The following PKHD1L1 variants were observed in gnomAD, a reference collection of about 807,000 sequenced individuals.
PKHD1L1 encodes fibrocystin-L.
PKHD1L1 carries 434 observed loss-of-function variants against 462.9 expected under a neutral mutation model. The ratio of observed to expected loss-of-function variants is 0.94; its 90% CI spans 0.87 to 1.02. The LOEUF is 1.02. PKHD1L1 is among the 50% of genes least tolerant of loss of function. The pLI, the probability that PKHD1L1 is intolerant of heterozygous loss-of-function variation, is 0.00. For synonymous variants in PKHD1L1, 1,781 were observed against 1,750.0 expected (o/e 1.02, Z -0.44); for missense variants, 5,202 against 5,096.1 (o/e 1.02, Z -0.63).
In PKHD1L1 at chr8:109,429,391, A is replaced by T; in HGVS notation, c.3052A>T (p.Ile1018Leu). 6.3e-7 allele frequency: 1 copy of T among 1,581,838 alleles called. No individual in the cohort carries two copies. The highest frequency in any genetic ancestry group is 8.7e-7 in the Non-Finnish European group (1 of 1,155,996). Residue 1018 changes from isoleucine to leucine, a missense_variant, in exon 26 of 78, where the codon ATA becomes TTA. This residue lies in a region of PKHD1L1 where 4,497 missense variants were observed against 4,336.8 expected (regional missense o/e 1.04). Transcript: ENST00000378402. ...GEKANMTVTR[I>L]KEGGLFRQHV... is the part of the protein sequence containing the mutation. ...AAAGGCTAATATGACAGTTACAAGG[A>T]TAAAGGAAGGTGGCTTATTCAGACA...
intron 7 of PKHD1L1, among the ~76,000 whole-genome samples, chr8:109,388,800 C>T (rs924745424): frequency 1.3e-5 from 2 of 151,976 alleles, no homozygotes; most frequent in Non-Finnish European, 2.9e-5. Flanking sequence ...ATATCTTTAC[C>T]AAGCAATTAT....
chr8:109,428,187 T>C (rs935811217), intron 25 of PKHD1L1, among the ~76,000 whole-genome samples: 8 of 152,282 alleles, frequency 5.3e-5, no homozygotes, highest in African/African-American at 1.9e-4. Context: ...TTCATCACTA[T>C]CACTTATATA....
intron 7 of PKHD1L1, 63 bp from the exon 8 acceptor site, chr8:109,389,016 A>G (rs1377215320): frequency 3.5e-6 from 4 of 1,142,378 alleles, no homozygotes; most frequent in Non-Finnish European, 5.0e-6. Flanking sequence ...TTTTTAAGAG[A>G]AACACAATAT....
chr8:109,414,545 T>C (rs1192722155), intron 21 of PKHD1L1, among the ~76,000 whole-genome samples: 1 of 152,110 alleles, frequency 6.6e-6, no homozygotes, highest in East Asian at 1.9e-4. Flanking sequence ...TTTATATGGG[T>C]CTATACAGTT....
At chr8:109,391,933 A>G (rs1425100520) in intron 9 of PKHD1L1, among the ~76,000 whole-genome samples, 1 of 152,214 alleles carries the variant, frequency 6.6e-6, no homozygotes, top group Non-Finnish European at 1.5e-5. Context: ...ACACTTTATT[A>G]TAGACCAATA....
At chr8:109,392,374 T>C (rs1188282036) in intron 9 of PKHD1L1, among the ~76,000 whole-genome samples, 1 of 152,134 alleles carries the variant, frequency 6.6e-6, no homozygotes, top group Non-Finnish European at 1.5e-5. Context: ...CATAAATCAA[T>C]ATGCTGCATT....
intron 43 of PKHD1L1, 52 bp from the exon 44 acceptor site, chr8:109,454,114 AC>A: frequency 9.2e-7 from 1 of 1,092,876 alleles, no homozygotes; most frequent in Non-Finnish European, 1.3e-6. Flanking sequence ...TTAATAGGTA[AC>A]TTTTAACAAG....
intron 4 of PKHD1L1, among the ~76,000 whole-genome samples, chr8:109,382,882 A>T (rs1005072748): frequency 6.7e-6 from 1 of 150,374 alleles, no homozygotes; most frequent in Non-Finnish European, 1.5e-5. Flanking sequence ...TTCCTATTTT[A>T]ATCGAAGTAA....
In PKHD1L1 at chr8:109,448,294, A is replaced by G. The variant is rs929560026; in HGVS notation, c.5928A>G (p.Thr1976=). ...TCGTGGGAGATCATGCTGGGGGCACATTTCCTGTTATGATGCATCATAAGA... is the reference window on the plus strand; with the variant it reads ...TCGTGGGAGATCATGCTGGGGGCACGTTTCCTGTTATGATGCATCATAAGA... The part of the protein sequence containing the change: ...QCIVGDHAGG[T]FPVMMHHKTK... The change falls in exon 39 of 78, where the codon ACA becomes ACG. Residue 1976 remains threonine (T), a synonymous_variant. Coordinates refer to ENST00000378402, the MANE Select transcript of PKHD1L1 (RefSeq NM_177531.6). The G allele has an allele frequency of 1.4e-5, 22 of 1,613,610 alleles. No homozygotes were observed. Among genetic ancestry groups the G allele is most frequent in the Non-Finnish European group, 1.8e-5 (21 of 1,179,854 alleles).
At chr8:109,494,793 C>A (rs546260090) in intron 63 of PKHD1L1, among the ~76,000 whole-genome samples, 31 of 151,888 alleles carry the variant, frequency 2.0e-4, no homozygotes, top group African/African-American at 7.2e-4. Flanking sequence ...TAATTGCATA[C>A]TTTTTAAATA....
At chr8:109,375,174 A>T (rs553624001) in intron 2 of PKHD1L1, among the ~76,000 whole-genome samples, 1 of 152,142 alleles carries the variant, frequency 6.6e-6, no homozygotes, top group Non-Finnish European at 1.5e-5. Flanking sequence ...ACATAGTCCC[A>T]TATTTCTTGG....
rs778607189 is a variant in PKHD1L1, at chr8:109,419,071, C to A, written c.2361-26C>A. On this transcript the variant is annotated intron_variant, in intron 21 of 77. Transcript: ENST00000378402. ...GCTTAAACATTACCACTGATCTATA[C>A]AACAAATTAATCAACCGTATTTCAG... 1.0e-5 allele frequency: 16 copies of A among 1,595,110 alleles called. No homozygotes were observed. In the South Asian group the frequency reaches 1.8e-4, roughly 18 times the overall value.
intron 60 of PKHD1L1, 79 bp from the exon 61 acceptor site, chr8:109,490,893 G>T (rs1430211821): frequency 2.3e-6 from 3 of 1,302,704 alleles, no homozygotes; most frequent in Non-Finnish European, 3.1e-6. Flanking sequence ...TTTGTTTACT[G>T]AAAATCATTT....
chr8:109,374,794 A>C (rs562315102), intron 2 of PKHD1L1, among the ~76,000 whole-genome samples: 57 of 152,234 alleles, frequency 3.7e-4, no homozygotes, highest in Middle Eastern at 3.4e-3. Flanking sequence ...TTCTGGGTTG[A>C]AAATTCTTTT....
Position 109,464,809 on chromosome 8 carries a change from A to G in PKHD1L1, c.7977A>G (p.Gly2659=). The change falls in exon 49 of 78, where the codon GGA becomes GGG. Residue 2659 remains glycine, a synonymous_variant. Transcript: ENST00000378402. ...TTACTACTTGGAATTGTCAAAAAGG[A>G]GCTGAATGGGTCAATGGAGGTGCCC... ...NSLTTWNCQK[G]AEWVNGGALQ... is the part of the protein sequence containing the mutation. The G allele has an allele frequency of 6.2e-7, 1 of 1,613,818 alleles. No homozygotes were observed.
chr8:109,498,890 G>A, intron 67 of PKHD1L1, 119 bp downstream of exon 67: 1 of 883,424 alleles, frequency 1.1e-6, no homozygotes, highest in African/African-American at 1.7e-5. Context: ...ATAGCAATCT[G>A]CTCAATATGA....
rs193254772 is a variant in PKHD1L1, at chr8:109,409,940, G to A, written c.2047G>A (p.Val683Met). The part of the protein sequence containing the change: ...QIANFEEGFV[V>M]KYFRDYETDF... The stretch of plus-strand genomic sequence containing the variant: ...TGCAAATTTTGAAGAAGGATTTGTT[G>A]TGAAATATTTCAGAGACTATGAAAC... The change falls in exon 19 of 78, where the codon GTG becomes ATG. Residue 683 changes from valine to methionine, a missense_variant. Physicochemically the swap from Val to Met is conservative, Grantham distance 21. This residue lies in a region of PKHD1L1 where 4,497 missense variants were observed against 4,336.8 expected (regional missense o/e 1.04). Transcript: ENST00000378402. 3.7e-6 allele frequency: 6 copies of A among 1,604,782 alleles called. No homozygotes were observed. The highest frequency in any genetic ancestry group is 1.7e-4 in the Middle Eastern group (1 of 6,022).
chr8:109,505,673 A>AG (rs1490057312), intron 68 of PKHD1L1, among the ~76,000 whole-genome samples: 3 of 152,148 alleles, frequency 2.0e-5, no homozygotes, highest in Non-Finnish European at 4.4e-5. Flanking sequence ...CTGAGGCAGG[A>AG]GGATTGCTTG....
Position 109,480,081 on chromosome 8 carries a change from G to A in PKHD1L1, c.9269G>A (p.Gly3090Glu), listed in dbSNP as rs1157176666. 4 of 1,582,686 alleles carry A rather than the reference G, an allele frequency of 2.5e-6. No individual in the cohort carries two copies. The East Asian group carries it at 9.2e-5, about 36-fold the overall frequency. ...VLELEDKYNV[G>E]AAESSYREVV... is the part of the protein sequence containing the mutation. ...GAACTGGAAGATAAATACAATGTAG[G>A]AGCTGCAGAATCTTCTTACAGAGAA... The change falls in exon 55 of 78, where the codon GGA becomes GAA. Residue 3090 changes from glycine (G) to glutamate (E), a missense_variant. Physicochemically the swap from Gly to Glu is moderately conservative, Grantham distance 98. This residue lies in a region of PKHD1L1 where 4,497 missense variants were observed against 4,336.8 expected (regional missense o/e 1.04). Coordinates refer to ENST00000378402, the MANE Select transcript of PKHD1L1 (RefSeq NM_177531.6).
Sources: allele counts gnomAD v4.1 joint callset (sites outside exome capture counted in the v4.1 genomes callset), GRCh38; gene constraint gnomAD v4.1.1; regional missense constraint gnomAD v4.1.1; transcripts MANE v1.5; gene names NCBI Gene and HGNC (gene_info 2026-07-23, HGNC 2026-07-21).